The following NEDD4 variants were observed in gnomAD, a reference collection of about 807,000 sequenced individuals.
NEDD4 encodes NEDD4 E3 ubiquitin protein ligase, also known as E3 ubiquitin-protein ligase NEDD4.
Under a neutral mutation model 144.9 loss-of-function variants are expected in NEDD4, and 99 were observed. That is an observed-to-expected ratio of 0.68 (90% CI 0.58 to 0.81). The LOEUF (loss-of-function observed/expected upper bound fraction) is 0.81, where lower values mean the gene tolerates loss of function less well. Ranked by LOEUF, NEDD4 falls within the 30% of genes least tolerant of loss-of-function variation. NEDD4 has a pLI of 0.00. For synonymous variants in NEDD4, 318 were observed against 350.6 expected, an observed-to-expected ratio of 0.91 and a Z score of 1.04; for missense variants, 985 against 1,065.9, an observed-to-expected ratio of 0.92 and a Z score of 1.06.
At chr15:55,914,618 C>T (rs1240020794) in intron 5 of NEDD4, among the ~76,000 whole-genome samples, 4 of 151,706 alleles carry the variant, frequency 2.6e-5, no homozygotes, top group African/African-American at 9.7e-5. Context: ...TAACTCGTGG[C>T]TAAAGAAAAA....
At chr15:55,891,375 C>T (rs1343059837) in intron 5 of NEDD4, among the ~76,000 whole-genome samples, 1 of 152,090 alleles carries the variant, frequency 6.6e-6, no homozygotes, top group East Asian at 1.9e-4. Flanking sequence ...AAATACAGGA[C>T]AATTAGAGGT....
chr15:55,910,408 C>A (rs2036233544), intron 5 of NEDD4, among the ~76,000 whole-genome samples: 1 of 152,062 alleles, frequency 6.6e-6, no homozygotes, highest in Admixed American at 6.6e-5. Context: ...CACCTTTCAC[C>A]CATGCCTCTA....
At chr15:55,869,805 T>C (rs1191985963) in intron 7 of NEDD4, 124 bp from the exon 8 acceptor site, 1 of 585,568 alleles carries the variant, frequency 1.7e-6, no homozygotes, top group Non-Finnish European at 2.9e-6. Flanking sequence ...CAAAGACAAG[T>C]TCCAGGGCAG....
intron 11 of NEDD4, among the ~76,000 whole-genome samples, chr15:55,857,063 C>A (rs1232847562): frequency 3.3e-5 from 5 of 152,054 alleles, no homozygotes; most frequent in Non-Finnish European, 5.9e-5. Context: ...TCTATCTGTA[C>A]TGAAATGGTT....
chr15:55,859,340 T>C (rs1159355044), intron 11 of NEDD4, among the ~76,000 whole-genome samples: 14 of 152,216 alleles, frequency 9.2e-5, no homozygotes, highest in African/African-American at 3.4e-4. Context: ...ATCTCCTTGT[T>C]TAGTCAAAGT....
At chr15:55,960,517 C>G (rs2037407409) in intron 2 of NEDD4, among the ~76,000 whole-genome samples, 1 of 152,182 alleles carries the variant, frequency 6.6e-6, no homozygotes, top group South Asian at 2.1e-4. Flanking sequence ...CCTTCAGCCA[C>G]AGACTGAAGG....
chr15:55,946,598 T>C (rs1281457350), intron 4 of NEDD4, among the ~76,000 whole-genome samples: 1 of 152,054 alleles, frequency 6.6e-6, no homozygotes. Context: ...GACAGATCAA[T>C]GAGACAGAAA....
intron 22 of NEDD4, 50 bp from the exon 23 acceptor site, chr15:55,838,230 A>T (rs1184801864): frequency 7.7e-7 from 1 of 1,294,596 alleles, no homozygotes; most frequent in African/African-American, 1.5e-5. Context: ...AGAAAAATTT[A>T]AAAAGTATAC....
At chr15:55,970,433 G>A (rs1481055387) in intron 1 of NEDD4, among the ~76,000 whole-genome samples, 2 of 152,188 alleles carry the variant, frequency 1.3e-5, no homozygotes, top group Non-Finnish European at 2.9e-5. Flanking sequence ...GTGGTAGCCA[G>A]GAAATAGTCA....
chr15:55,838,032 A>C, intron 23 of NEDD4, 75 bp downstream of exon 23: 1 of 1,016,056 alleles, frequency 9.8e-7, no homozygotes, highest in Non-Finnish European at 1.5e-6. Context: ...GGACAGAGAA[A>C]GATGGTAAGA....
chr15:55,862,634 T>C (rs1237101127), intron 9 of NEDD4, among the ~76,000 whole-genome samples: 14 of 152,112 alleles, frequency 9.2e-5, no homozygotes, highest in African/African-American at 3.4e-4. Flanking sequence ...AAAATAAAAA[T>C]CTACCATTTG....
chr15:55,970,631 T>C (rs186642401), intron 1 of NEDD4, among the ~76,000 whole-genome samples: 1 of 152,328 alleles, frequency 6.6e-6, no homozygotes, highest in East Asian at 1.9e-4. Flanking sequence ...AACAAGAGTC[T>C]CTGCCTGGTA....
chr15:55,832,500 C>T lies in NEDD4; in HGVS notation c.2527+508G>A, dbSNP rs544118775. Among the ~76,000 whole-genome samples the T allele has an allele frequency of 4.6e-5, 7 of 152,158 alleles. No individual in the cohort carries two copies. The East Asian group carries it at 5.8e-4, about 13-fold the overall frequency. On this transcript the variant is annotated intron_variant, in intron 27 of 28. Coordinates refer to ENST00000435532, the MANE Select transcript of NEDD4 (RefSeq NM_006154.4). The stretch of plus-strand genomic sequence containing the variant: ...TGCGATCTTGGCTCACTGCAACGTC[C>T]GCCTCCTGGGTTCAAGCAATTCTCC...
chr15:55,884,338 C>G (rs1163114594), intron 5 of NEDD4, among the ~76,000 whole-genome samples: 1 of 152,138 alleles, frequency 6.6e-6, no homozygotes. Context: ...TAAAAATAAG[C>G]ATAGACTGTG....
intron 1 of NEDD4, chr15:55,987,990 T>C (rs1340456081): frequency 6.6e-6 from 1 of 150,980 alleles, no homozygotes; most frequent in Non-Finnish European, 1.5e-5. Flanking sequence ...TTTAAAGTAG[T>C]TTTTTCCAAT....
intron 4 of NEDD4, among the ~76,000 whole-genome samples, chr15:55,931,291 G>A (rs2036776143): frequency 4.6e-5 from 7 of 152,142 alleles, no homozygotes. Context: ...AATATGATCA[G>A]AGTAACAAAC....
At chr15:55,946,444 C>G (rs1425842244) in intron 4 of NEDD4, among the ~76,000 whole-genome samples, 1 of 152,180 alleles carries the variant, frequency 6.6e-6, no homozygotes, top group Non-Finnish European at 1.5e-5. Flanking sequence ...ATCAATTCAA[C>G]AAGAAGAGCT....
intron 5 of NEDD4, among the ~76,000 whole-genome samples, chr15:55,890,402 G>A (rs1433834020): frequency 6.6e-6 from 1 of 151,744 alleles, no homozygotes; most frequent in Non-Finnish European, 1.5e-5. Context: ...ACCACTTTCT[G>A]TCTTTATGGA....
chr15:55,971,347 G>A (rs554902422), intron 1 of NEDD4, among the ~76,000 whole-genome samples: 30 of 152,220 alleles, frequency 2.0e-4, no homozygotes, highest in Admixed American at 1.6e-3. Flanking sequence ...TTATTGGGCC[G>A]GGCATGGTGG....
Sources: gnomAD v4.1 joint callset for allele counts (sites outside exome capture counted in the v4.1 genomes callset) on GRCh38, gnomAD v4.1.1 for gene constraint, MANE v1.5 for transcripts, NCBI Gene and HGNC (gene_info 2026-07-23, HGNC 2026-07-21) for gene names.